Variants in PLEKHB2 observed in about 807,000 individuals in gnomAD.
The protein encoded by PLEKHB2 is pleckstrin homology domain-containing family B member 2.
A neutral mutation model predicts 36.5 loss-of-function variants in PLEKHB2; 31 were observed. The ratio of observed to expected loss-of-function variants is 0.85; its 90% CI spans 0.64 to 1.15. The LOEUF is 1.15. PLEKHB2 is among the 50% of genes most tolerant of loss of function. The probability of loss-of-function intolerance (pLI) is 0.00; values close to 1 mark genes in which losing one functional copy is unlikely to be tolerated. For missense variants in PLEKHB2, 262 were observed against 295.3 expected, an observed-to-expected ratio of 0.89 and a Z score of 0.83; for synonymous variants, 119 against 112.0, an observed-to-expected ratio of 1.06 and a Z score of -0.39.
chr2:131,146,043 G>A (rs944088656), intron 7 of PLEKHB2, among the ~76,000 whole-genome samples: 15 of 151,966 alleles, frequency 9.9e-5, no homozygotes, highest in African/African-American at 3.4e-4. Context: ...TTAGCCAGGC[G>A]TGGTGGTGGG....
chr2:131,108,548 CT>C (rs1694962352), intron 1 of PLEKHB2, among the ~76,000 whole-genome samples: 1 of 152,210 alleles, frequency 6.6e-6, no homozygotes, highest in Non-Finnish European at 1.5e-5. Context: ...GCTGTCCAAT[CT>C]TTAGACTTTC....
intron 1 of PLEKHB2, among the ~76,000 whole-genome samples, chr2:131,115,576 A>G (rs1695783203): frequency 6.6e-6 from 1 of 151,854 alleles, no homozygotes; most frequent in African/African-American, 2.4e-5. Context: ...GATGGTCTCG[A>G]TCTCTTGATC....
rs114333865 is a variant in PLEKHB2, at chr2:131,119,749, C to T, written c.-8-1185C>T. Among the ~76,000 whole-genome samples the T allele has an allele frequency of 5.6e-3, 847 of 152,068 alleles. 6 individuals carry two copies. Among genetic ancestry groups the T allele is most frequent in the African/African-American group, 0.019 (807 of 41,464 alleles). On this transcript the variant is annotated intron_variant, in intron 1 of 7. Coordinates refer to ENST00000693505, the MANE Select transcript of PLEKHB2 (RefSeq NM_001100623.2). Reference sequence around the variant, plus strand: ...GTGTCTTGGAGGTTTTCATTTGTGCCCACCTGAGAGGTACAGTAGTTTACT... The same window carrying T: ...GTGTCTTGGAGGTTTTCATTTGTGCTCACCTGAGAGGTACAGTAGTTTACT...
At chr2:131,116,198 G>A (rs1695856162) in intron 1 of PLEKHB2, among the ~76,000 whole-genome samples, 1 of 152,220 alleles carries the variant, frequency 6.6e-6, no homozygotes, top group African/African-American at 2.4e-5. Context: ...TCTAGATGTA[G>A]ACATTTCCAT....
chr2:131,138,477 T>C (rs1698482519), intron 6 of PLEKHB2, among the ~76,000 whole-genome samples: 1 of 152,194 alleles, frequency 6.6e-6, no homozygotes, highest in Non-Finnish European at 1.5e-5. Flanking sequence ...TTAAGTACTG[T>C]AAGACTCTGA....
chr2:131,140,775 A>G (rs1698707558), intron 7 of PLEKHB2, among the ~76,000 whole-genome samples: 1 of 152,192 alleles, frequency 6.6e-6, no homozygotes, highest in South Asian at 2.1e-4. Context: ...GTGTAGAGGT[A>G]TCATGTCCAG....
At chr2:131,115,339 GTCTTTT>G (rs1695749424) in intron 1 of PLEKHB2, among the ~76,000 whole-genome samples, 3 of 105,760 alleles carry the variant, frequency 2.8e-5, no homozygotes, top group Non-Finnish European at 5.7e-5. Flanking sequence ...CAGAAAGTAT[GTCTTTT>G]TTTTTTTTTT....
chr2:131,126,988 G>A (rs1390920538), intron 4 of PLEKHB2: 1 of 521,862 alleles, frequency 1.9e-6, no homozygotes, highest in East Asian at 3.3e-5. Flanking sequence ...CGATCCCATT[G>A]TGGTGAAAAT....
At chr2:131,123,772 C>A in intron 2 of PLEKHB2, among the ~76,000 whole-genome samples, 1 of 39,920 alleles carries the variant, frequency 2.5e-5, no homozygotes, top group African/African-American at 1.1e-4. Flanking sequence ...GTCCACCCCC[C>A]CCACCCCCCC....
intron 5 of PLEKHB2, among the ~76,000 whole-genome samples, chr2:131,132,240 A>G (rs1468362611): frequency 6.6e-6 from 1 of 152,146 alleles, no homozygotes; most frequent in Non-Finnish European, 1.5e-5. Context: ...TATGTATAGG[A>G]CATATCTCTT....
At chr2:131,120,897 G>A (rs1696443950) in intron 1 of PLEKHB2, 37 bp from the exon 2 acceptor site, 1 of 1,603,360 alleles carries the variant, frequency 6.2e-7, no homozygotes. Flanking sequence ...TTCTCTTTCT[G>A]GGTATGATTT....
Position 131,109,309 on chromosome 2 carries a change from G to T in PLEKHB2, c.-9+3911G>T, listed in dbSNP as rs1018182337. Among the ~76,000 whole-genome samples the T allele has an allele frequency of 6.6e-5, 10 of 152,230 alleles. No homozygotes were observed. In the South Asian group the frequency reaches 1.2e-3, roughly 19 times the overall value. Reference sequence around the variant, plus strand: ...CAAATAGGTAGATTAATTTAGGTTGGTTTTTTTGTTTTGGTATAGTTGAAG... The same window carrying T: ...CAAATAGGTAGATTAATTTAGGTTGTTTTTTTTGTTTTGGTATAGTTGAAG... On this transcript the variant is annotated intron_variant, in intron 1 of 7. Coordinates refer to ENST00000693505, the MANE Select transcript of PLEKHB2 (RefSeq NM_001100623.2).
chr2:131,137,589 G>A (rs1200244207), intron 6 of PLEKHB2, among the ~76,000 whole-genome samples: 6 of 152,204 alleles, frequency 3.9e-5, no homozygotes, highest in Non-Finnish European at 8.8e-5. Flanking sequence ...GATGTCTGCA[G>A]AGTCTATAGT....
intron 7 of PLEKHB2, among the ~76,000 whole-genome samples, chr2:131,143,630 G>A (rs1255376664): frequency 6.6e-6 from 1 of 152,218 alleles, no homozygotes; most frequent in Non-Finnish European, 1.5e-5. Flanking sequence ...GGCCTGTTGT[G>A]CTCTAAAAGT....
At chr2:131,118,262 A>G (rs986052029) in intron 1 of PLEKHB2, among the ~76,000 whole-genome samples, 1 of 152,134 alleles carries the variant, frequency 6.6e-6, no homozygotes, top group Admixed American at 6.6e-5. Context: ...ATGTTTGAGA[A>G]CCTAAATGTG....
chr2:131,136,716 G>C (rs1441589282), intron 6 of PLEKHB2, among the ~76,000 whole-genome samples: 1 of 151,516 alleles, frequency 6.6e-6, no homozygotes, highest in African/African-American at 2.4e-5. Context: ...TTGGTCTATA[G>C]TTTTCTTTTT....
At chr2:131,118,063 G>A (rs1005178020) in intron 1 of PLEKHB2, among the ~76,000 whole-genome samples, 3 of 152,276 alleles carry the variant, frequency 2.0e-5, no homozygotes, top group East Asian at 1.9e-4. Flanking sequence ...AAAGTCTTGG[G>A]TAAGGGTGGG....
intron 6 of PLEKHB2, among the ~76,000 whole-genome samples, chr2:131,135,383 C>T (rs1390622309): frequency 6.6e-6 from 1 of 152,136 alleles, no homozygotes; most frequent in Admixed American, 6.6e-5. Flanking sequence ...TGTAAACTTT[C>T]TAAGCTCACT....
Position 131,130,747 on chromosome 2 carries a change from C to G in PLEKHB2, c.320C>G (p.Ser107Cys), listed in dbSNP as rs750582518. The G allele has an allele frequency of 2.5e-6, 4 of 1,610,460 alleles. No homozygotes were observed. Among genetic ancestry groups the G allele is most frequent in the East Asian group, 2.2e-5 (1 of 44,840 alleles). ...GCCTGGAAATTTACACTCCAAGATT[C>G]TAGGACAAACACAGTAAGTTGCTAA... Reference protein sequence around the residue: ...CLAWKFTLQDSRTNTAYVGSA... With the variant: ...CLAWKFTLQDCRTNTAYVGSA... The change falls in exon 5 of 8, where the codon TCT becomes TGT. Residue 107 changes from serine (S) to cysteine (C), a missense_variant. Physicochemically the swap from Ser to Cys is moderately radical, Grantham distance 112. Transcript: ENST00000693505.
Sources: gnomAD v4.1 joint callset for allele counts (sites outside exome capture counted in the v4.1 genomes callset) on GRCh38, gnomAD v4.1.1 for gene constraint, MANE v1.5 for transcripts, NCBI Gene and HGNC (gene_info 2026-07-23, HGNC 2026-07-21) for gene names.